FSTL5: variants seen among roughly 807,000 people sequenced by gnomAD.
FSTL5 encodes follistatin-related protein 5.
FSTL5 carries 62 observed loss-of-function variants against 89.1 expected under a neutral mutation model. That is an observed-to-expected ratio of 0.70 (90% CI 0.57 to 0.86). FSTL5 has a LOEUF of 0.86. FSTL5 is among the 40% of genes least tolerant of loss of function. The pLI is 0.00. For missense variants in FSTL5, 1,057 were observed against 1,001.6 expected (o/e 1.06, Z -0.75); for synonymous variants, 383 against 346.2 (o/e 1.11, Z -1.18).
chr4:161,947,171 T>C (rs992063502), intron 3 of FSTL5, among the ~76,000 whole-genome samples: 9 of 150,220 alleles, frequency 6.0e-5, no homozygotes, highest in Admixed American at 1.3e-4. Flanking sequence ...TGCATCTTAC[T>C]CTGTTACTGC....
chr4:161,850,664 C>G (rs1215358356), intron 4 of FSTL5, among the ~76,000 whole-genome samples: 1 of 152,096 alleles, frequency 6.6e-6, no homozygotes, highest in Non-Finnish European at 1.5e-5. Context: ...GGTTGTACAT[C>G]ACATAAAGTG....
At chr4:161,612,906 G>T (rs769975353) in intron 7 of FSTL5, among the ~76,000 whole-genome samples, 25 of 151,394 alleles carry the variant, frequency 1.7e-4, no homozygotes, top group Admixed American at 4.0e-4. Context: ...ATGTGTCTGT[G>T]AATGTAAATG....
intron 2 of FSTL5, among the ~76,000 whole-genome samples, chr4:162,106,487 A>C (rs1441326179): frequency 2.0e-5 from 3 of 152,226 alleles, no homozygotes; most frequent in Non-Finnish European, 4.4e-5. Context: ...CCAGCAACCA[A>C]TTAGATACAC....
At chr4:161,737,085 C>T (rs1385523694) in intron 6 of FSTL5, among the ~76,000 whole-genome samples, 1 of 152,026 alleles carries the variant, frequency 6.6e-6, no homozygotes, top group Non-Finnish European at 1.5e-5. Flanking sequence ...AGGGCAGAGA[C>T]CAGGGGAAGC....
intron 12 of FSTL5, among the ~76,000 whole-genome samples, chr4:161,488,390 G>T (rs142810531): frequency 9.5e-4 from 144 of 152,144 alleles, no homozygotes; most frequent in African/African-American, 3.3e-3. Context: ...CTACATTACA[G>T]AAATTTTTAT....
At chr4:162,072,183 T>C (rs1158552880) in intron 2 of FSTL5, among the ~76,000 whole-genome samples, 2 of 151,830 alleles carry the variant, frequency 1.3e-5, no homozygotes, top group Non-Finnish European at 2.9e-5. Context: ...TTGACATTAG[T>C]TCAATGTACA....
chr4:161,937,285 C>T (rs540644741), intron 3 of FSTL5, among the ~76,000 whole-genome samples: 3 of 152,090 alleles, frequency 2.0e-5, no homozygotes, highest in Admixed American at 6.6e-5. Flanking sequence ...ACAACATAGA[C>T]ATCACTTCCA....
At chr4:161,863,646 C>T (rs1359871372) in intron 4 of FSTL5, among the ~76,000 whole-genome samples, 1 of 152,064 alleles carries the variant, frequency 6.6e-6, no homozygotes, top group Non-Finnish European at 1.5e-5. Context: ...TTTTCCTCAC[C>T]CTCCCTCACT....
At chr4:161,704,445 T>C (rs1738502838) in intron 6 of FSTL5, among the ~76,000 whole-genome samples, 1 of 152,154 alleles carries the variant, frequency 6.6e-6, no homozygotes, top group African/African-American at 2.4e-5. Flanking sequence ...CTAAATTAAC[T>C]GAGAGCTGTC....
intron 4 of FSTL5, among the ~76,000 whole-genome samples, chr4:161,918,149 A>C (rs1377802334): frequency 2.0e-5 from 3 of 152,206 alleles, no homozygotes; most frequent in Non-Finnish European, 4.4e-5. Context: ...CTATCACAAT[A>C]ATATCAGGCC....
At chr4:161,789,235 G>C (rs907399317) in intron 4 of FSTL5, among the ~76,000 whole-genome samples, 1 of 151,256 alleles carries the variant, frequency 6.6e-6, no homozygotes, top group African/African-American at 2.4e-5. Context: ...TTGTCATTTT[G>C]TGTTAGTTGA....
chr4:161,762,528 A>G (rs1354947229), intron 5 of FSTL5, among the ~76,000 whole-genome samples: 1 of 152,192 alleles, frequency 6.6e-6, no homozygotes, highest in African/African-American at 2.4e-5. Flanking sequence ...ATTTGAATAT[A>G]TCGTATTCAA....
intron 5 of FSTL5, among the ~76,000 whole-genome samples, chr4:161,765,525 G>A (rs965056657): frequency 6.6e-6 from 1 of 152,128 alleles, no homozygotes; most frequent in African/African-American, 2.4e-5. Flanking sequence ...CATTTGTAAT[G>A]ATTTTTAAAG....
At chr4:161,408,822 A>G (rs1243125242) in intron 15 of FSTL5, among the ~76,000 whole-genome samples, 1 of 152,238 alleles carries the variant, frequency 6.6e-6, no homozygotes, top group African/African-American at 2.4e-5. Context: ...AAAGAATCTC[A>G]GAGCGTGAAG....
chr4:161,890,867 T>C (rs1422427781), intron 4 of FSTL5, among the ~76,000 whole-genome samples: 3 of 152,158 alleles, frequency 2.0e-5, no homozygotes, highest in Non-Finnish European at 4.4e-5. Context: ...TGTGTCCATT[T>C]ATCTCTTTCT....
At position 162,036,606 on chromosome 4, in the gene FSTL5, T is replaced by C. The variant is rs554075154; in HGVS notation, c.127-2948A>G. Among the ~76,000 whole-genome samples the C allele has an allele frequency of 2.6e-5, 4 of 151,864 alleles. No individual in the cohort carries two copies. The South Asian group carries it at 8.3e-4, about 32-fold the overall frequency. On this transcript the variant is annotated intron_variant, in intron 2 of 15. Transcript: ENST00000306100. The stretch of plus-strand genomic sequence containing the variant: ...TGATCTATAACTGAGTATTGCAAAA[T>C]GTATAAGAAAAATATAAAGTTGAAT...
At chr4:162,025,096 C>T (rs1432851201) in intron 3 of FSTL5, among the ~76,000 whole-genome samples, 1 of 151,824 alleles carries the variant, frequency 6.6e-6, no homozygotes, top group East Asian at 1.9e-4. Flanking sequence ...CATTACAGTG[C>T]TCCATGCATC....
intron 3 of FSTL5, among the ~76,000 whole-genome samples, chr4:162,014,135 G>T (rs1736848766): frequency 6.6e-6 from 1 of 152,200 alleles, no homozygotes; most frequent in East Asian, 1.9e-4. Flanking sequence ...AGGCTCAGGA[G>T]ATACCACCAG....
chr4:161,675,321 T>C (rs1481837506), intron 6 of FSTL5, among the ~76,000 whole-genome samples: 1 of 151,780 alleles, frequency 6.6e-6, no homozygotes, highest in Non-Finnish European at 1.5e-5. Flanking sequence ...CATCATATTT[T>C]CTACTAATAA....
Sources: gnomAD v4.1 joint callset for allele counts (sites outside exome capture counted in the v4.1 genomes callset) on GRCh38, gnomAD v4.1.1 for gene constraint, MANE v1.5 for transcripts, NCBI Gene and HGNC (gene_info 2026-07-23, HGNC 2026-07-21) for gene names.